IL1RAPL1: variants seen among roughly 807,000 people sequenced by gnomAD.
IL1RAPL1 encodes interleukin 1 receptor accessory protein like 1.
Under a neutral mutation model 48.4 loss-of-function variants are expected in IL1RAPL1, and 3 were observed. The observed-to-expected ratio is 0.06, with a 90% CI of 0.03 to 0.16. The LOEUF is 0.16. IL1RAPL1 is among the 10% of genes least tolerant of loss of function. The pLI is 1.00. For synonymous variants in IL1RAPL1, 185 were observed against 187.7 expected (o/e 0.99, Z 0.12); for missense variants, 349 against 530.6 (o/e 0.66, Z 3.36).
At chrX:29,782,944 G>A (rs1293824804) in intron 6 of IL1RAPL1, among the ~76,000 whole-genome samples, 9 of 72,544 alleles carry the variant, frequency 1.2e-4, no homozygotes, top group Non-Finnish European at 1.9e-4. Flanking sequence ...TCACTCTGTC[G>A]CCCAGGCTGG....
intron 6 of IL1RAPL1, among the ~76,000 whole-genome samples, chrX:29,880,721 G>A (rs1932009154): frequency 9.0e-6 from 1 of 111,145 alleles, no homozygotes; most frequent in African/African-American, 3.3e-5. Context: ...TTCTGTGTCT[G>A]ATTCTTTTTT....
chrX:29,357,607 A>C (rs1273754456), intron 3 of IL1RAPL1, among the ~76,000 whole-genome samples: 2 of 112,158 alleles, frequency 1.8e-5, no homozygotes, highest in Admixed American at 9.5e-5. Context: ...ATCTGTTTTT[A>C]TCAACTATTG....
chrX:29,098,222 C>G (rs1225577670), intron 2 of IL1RAPL1, among the ~76,000 whole-genome samples: 2 of 111,056 alleles, frequency 1.8e-5, no homozygotes, highest in South Asian at 3.8e-4. Context: ...AACATCTGCT[C>G]TATTCCTTTT....
At chrX:29,413,623 T>C (rs904956183) in intron 5 of IL1RAPL1, among the ~76,000 whole-genome samples, 6 of 107,986 alleles carry the variant, frequency 5.6e-5, no homozygotes, top group African/African-American at 1.7e-4. Flanking sequence ...TTTGTCCTTG[T>C]GATAGTTTGC....
chrX:29,679,681 A>C (rs2147105069), intron 6 of IL1RAPL1, among the ~76,000 whole-genome samples: 1 of 112,370 alleles, frequency 8.9e-6, no homozygotes, highest in African/African-American at 3.2e-5. Flanking sequence ...CATAAATAAT[A>C]TGTTGTCACT....
Position 29,000,881 on chromosome X carries a change from A to G in IL1RAPL1, c.82+211456A>G, listed in dbSNP as rs369094183. On this transcript the variant is annotated intron_variant, in intron 2 of 10. Transcript: ENST00000378993. Reference sequence around the variant, plus strand: ...GACTATTTCTCAGTATCCTGGGGACATAGCATGATGTGTGATAAATAGTTA... The same window carrying G: ...GACTATTTCTCAGTATCCTGGGGACGTAGCATGATGTGTGATAAATAGTTA... 4.7e-5 allele frequency among the ~76,000 whole-genome samples: 5 copies of G among 106,586 alleles called. No individual in the cohort carries two copies. The South Asian group carries it at 2.1e-3, about 45-fold the overall frequency. 92.6% of individuals were successfully genotyped at this position (106,586 alleles called of 115,157 possible).
At chrX:29,766,048 C>G (rs994270818) in intron 6 of IL1RAPL1, among the ~76,000 whole-genome samples, 2 of 108,975 alleles carry the variant, frequency 1.8e-5, no homozygotes, top group Non-Finnish European at 3.8e-5. Flanking sequence ...AAATGATTCC[C>G]GGCTGGGCGC....
chrX:28,753,936 G>C (rs74753256), intron 1 of IL1RAPL1, among the ~76,000 whole-genome samples: 2 of 110,730 alleles, frequency 1.8e-5, no homozygotes, highest in East Asian at 5.7e-4. Flanking sequence ...GAGAGAGAGA[G>C]AGAGACAGAG....
chrX:29,600,931 A>G (rs1923700994), intron 5 of IL1RAPL1, among the ~76,000 whole-genome samples: 1 of 111,216 alleles, frequency 9.0e-6, no homozygotes, highest in Non-Finnish European at 1.9e-5. Context: ...ATGCCCCTCC[A>G]ACAGCACTGA....
intron 6 of IL1RAPL1, among the ~76,000 whole-genome samples, chrX:29,826,333 A>G (rs1601841688): frequency 1.8e-5 from 2 of 111,681 alleles, no homozygotes; most frequent in African/African-American, 6.5e-5. Context: ...AACCCCAAGA[A>G]TTTCTAATTC....
At chrX:29,804,407 T>A (rs1309659567) in intron 6 of IL1RAPL1, among the ~76,000 whole-genome samples, 1 of 111,716 alleles carries the variant, frequency 9.0e-6, no homozygotes, top group Non-Finnish European at 1.9e-5. Context: ...CCCACCCAAA[T>A]CCCACCTTGA....
chrX:28,894,577 C>T (rs764654355), intron 2 of IL1RAPL1, among the ~76,000 whole-genome samples: 1 of 111,091 alleles, frequency 9.0e-6, no homozygotes, highest in South Asian at 3.8e-4. Flanking sequence ...AGCCGGGGAG[C>T]AGAAAGTATA....
chrX:28,972,664 A>G (rs75342929), intron 2 of IL1RAPL1, among the ~76,000 whole-genome samples: 16 of 110,629 alleles, frequency 1.4e-4, no homozygotes, highest in African/African-American at 3.6e-4. Flanking sequence ...GCGTGAACCT[A>G]GGAGGCGGAG....
chrX:29,281,564 G>C (rs1932202367), intron 2 of IL1RAPL1, among the ~76,000 whole-genome samples: 1 of 111,356 alleles, frequency 9.0e-6, no homozygotes, highest in Non-Finnish European at 1.9e-5. Flanking sequence ...CCAGAAGTCA[G>C]AGCAAAGTGA....
At chrX:28,901,827 C>A (rs1763212830) in intron 2 of IL1RAPL1, among the ~76,000 whole-genome samples, 1 of 111,933 alleles carries the variant, frequency 8.9e-6, no homozygotes, top group Non-Finnish European at 1.9e-5. Context: ...TCTTGTATAG[C>A]TCAAAGGTCA....
rs1932083912 is a variant in IL1RAPL1, at chrX:29,274,129, G to A, written c.83-8809G>A. 2.7e-5 allele frequency among the ~76,000 whole-genome samples: 3 copies of A among 110,888 alleles called. No homozygotes were observed. The South Asian group carries it at 1.1e-3, about 42-fold the overall frequency. On this transcript the variant is annotated intron_variant, in intron 2 of 10. Transcript: ENST00000378993. Reference sequence around the variant, plus strand: ...TATGAAAATGAAGAAGTACTAAACCGATAACATGGATGGATATTATTATAT... The same window carrying A: ...TATGAAAATGAAGAAGTACTAAACCAATAACATGGATGGATATTATTATAT...
intron 2 of IL1RAPL1, among the ~76,000 whole-genome samples, chrX:28,854,983 C>T (rs1921766114): frequency 9.0e-6 from 1 of 110,538 alleles, no homozygotes; most frequent in African/African-American, 3.3e-5. Context: ...TAGTGTTGTG[C>T]CTAGCATATT....
At chrX:28,687,116 T>G (rs1935119093) in intron 1 of IL1RAPL1, among the ~76,000 whole-genome samples, 1 of 111,769 alleles carries the variant, frequency 8.9e-6, no homozygotes, top group African/African-American at 3.3e-5. Flanking sequence ...GTCAAATATG[T>G]TTTTCATTAA....
At chrX:28,944,117 A>C (rs1924234497) in intron 2 of IL1RAPL1, among the ~76,000 whole-genome samples, 1 of 110,771 alleles carries the variant, frequency 9.0e-6, no homozygotes, top group Admixed American at 9.7e-5. Context: ...ATCACAAATT[A>C]GTTGTTTTTA....
Sources: allele counts gnomAD v4.1 joint callset (sites outside exome capture counted in the v4.1 genomes callset), GRCh38; gene constraint gnomAD v4.1.1; transcripts MANE v1.5; gene names NCBI Gene and HGNC (gene_info 2026-07-23, HGNC 2026-07-21).